Variants in PPFIA1 observed in about 807,000 individuals in gnomAD.
The protein encoded by PPFIA1 is liprin-alpha-1.
In PPFIA1, 25 loss-of-function variants were observed where a neutral mutation model predicts 149.9. The observed-to-expected ratio is 0.17, with a 90% CI of 0.12 to 0.23. PPFIA1 has a LOEUF of 0.23. Among genes scored for constraint, PPFIA1 ranks in the 10% least tolerant of loss-of-function variants. The probability of loss-of-function intolerance (pLI) is 1.00; values close to 1 mark genes in which losing one functional copy is unlikely to be tolerated. For synonymous variants in PPFIA1, 549 were observed against 552.8 expected, an observed-to-expected ratio of 0.99 and a Z score of 0.10; for missense variants, 1,362 against 1,506.5, an observed-to-expected ratio of 0.90 and a Z score of 1.59.
At chr11:70,341,695 G>A (rs1320382516) in intron 14 of PPFIA1, among the ~76,000 whole-genome samples, 3 of 152,178 alleles carry the variant, frequency 2.0e-5, no homozygotes, top group Non-Finnish European at 4.4e-5. Context: ...ATGGGTGCCT[G>A]GATGGAGACA....
chr11:70,347,550 T>C (rs2055784405), intron 15 of PPFIA1, among the ~76,000 whole-genome samples: 1 of 151,978 alleles, frequency 6.6e-6, no homozygotes, highest in African/African-American at 2.4e-5. Context: ...AAAAAAATTT[T>C]AAAAGATGAG....
At chr11:70,368,886 G>T (rs1283651131) in intron 21 of PPFIA1, among the ~76,000 whole-genome samples, 1 of 151,274 alleles carries the variant, frequency 6.6e-6, no homozygotes, top group Non-Finnish European at 1.5e-5. Flanking sequence ...CCAGTACAGT[G>T]TAGAATAAAG....
In PPFIA1 at chr11:70,343,807, C is replaced by G. The variant is rs775310445; in HGVS notation, c.1846C>G (p.Leu616Val). Residue 616 changes from leucine to valine, a missense_variant, in exon 15 of 28, where the codon CTG becomes GTG. Leu to Val is a conservative substitution (Grantham distance 32). Coordinates refer to ENST00000253925, the MANE Select transcript of PPFIA1 (RefSeq NM_003626.5). ...GGACACTCTCCTCAGCTCAGTTGAC[C>G]TGCTATCGCCCAGCGGGCAGGCCGA... ...DRDTLLSSVD[L>V]LSPSGQADAH... 6.2e-7 allele frequency: 1 copy of G among 1,614,178 alleles called. No individual in the cohort carries two copies. Among genetic ancestry groups the G allele is most frequent in the Non-Finnish European group, 8.5e-7 (1 of 1,180,036 alleles).
intron 2 of PPFIA1, among the ~76,000 whole-genome samples, chr11:70,282,583 C>T (rs141700617): frequency 0.031 from 3,831 of 124,108 alleles, 215 homozygotes; most frequent in African/African-American, 0.12. Context: ...GGCTGGAGTG[C>T]AGTGGCGTGA....
chr11:70,361,617 A>AT (rs750170044), intron 19 of PPFIA1, among the ~76,000 whole-genome samples: 303 of 140,218 alleles, frequency 2.2e-3, no homozygotes, highest in Non-Finnish European at 3.0e-3. Context: ...GCTGGTTGTA[A>AT]TTTTTTTTTT....
intron 2 of PPFIA1, 89 bp downstream of exon 2, chr11:70,272,525 T>C: frequency 2.2e-6 from 3 of 1,380,980 alleles, no homozygotes; most frequent in East Asian, 2.3e-5. Flanking sequence ...TTCAGATGAG[T>C]ATTTTCCGTA....
chr11:70,288,831 C>G (rs2051327225), intron 2 of PPFIA1, among the ~76,000 whole-genome samples: 1 of 152,124 alleles, frequency 6.6e-6, no homozygotes, highest in African/African-American at 2.4e-5. Flanking sequence ...TTGTCCCAGG[C>G]CTACTTTGTA....
chr11:70,348,211 A>C lies in PPFIA1; in HGVS notation c.1954A>C (p.Asn652His). ...EIRLIQEEKE[N>H]TEQRAEEIES... ...TAGGTTGATTCAGGAAGAAAAAGAA[A>C]ATACAGAGCAGCGGGCAGAGGAGAT... Residue 652 changes from asparagine (N) to histidine (H), a missense_variant, in exon 16 of 28, where the codon AAT becomes CAT. Around this residue, in one of 7 missense-constraint regions of PPFIA1, gnomAD observed 733 missense variants for 744.1 expected, o/e 0.99. Transcript: ENST00000253925. 1 of 1,614,184 alleles carries C rather than the reference A, an allele frequency of 6.2e-7. No homozygotes were observed. The highest frequency in any genetic ancestry group is 8.5e-7 in the Non-Finnish European group (1 of 1,180,034).
At chr11:70,335,031 T>C (rs1318280080) in intron 10 of PPFIA1, among the ~76,000 whole-genome samples, 3 of 152,254 alleles carry the variant, frequency 2.0e-5, no homozygotes, top group African/African-American at 7.2e-5. Flanking sequence ...AAGGTAATTA[T>C]TTATAATTTT....
chr11:70,339,350 C>G, intron 14 of PPFIA1, 44 bp downstream of exon 14: 1 of 1,577,486 alleles, frequency 6.3e-7, no homozygotes, highest in South Asian at 1.1e-5. Context: ...TGAAAGTTAC[C>G]TACTTATCCC....
Position 70,372,318 on chromosome 11 carries a change from A to G in PPFIA1, c.2969A>G (p.Asp990Gly). The G allele has an allele frequency of 1.9e-6, 3 of 1,614,206 alleles. No homozygotes were observed. The highest frequency in any genetic ancestry group is 2.5e-6 in the Non-Finnish European group (3 of 1,180,044). The change falls in exon 22 of 28, where the codon GAC becomes GGC. Residue 990 changes from aspartate (D) to glycine (G), a missense_variant. By Grantham distance (94) the Asp-to-Gly change is moderately conservative. Coordinates refer to ENST00000253925, the MANE Select transcript of PPFIA1 (RefSeq NM_003626.5). ...YRSYFMECLV[D>G]ARMLDHLTKK... The stretch of plus-strand genomic sequence containing the variant: ...AGCTACTTCATGGAGTGCCTTGTAG[A>G]CGCCAGGATGCTGGACCACTTGACC...
intron 19 of PPFIA1, chr11:70,358,578 G>C (rs759698267): frequency 6.6e-6 from 1 of 152,178 alleles, no homozygotes; most frequent in Non-Finnish European, 1.5e-5. Context: ...AAAAAGTATT[G>C]TGTGAATACA....
Position 70,272,421 on chromosome 11 carries a change from C to A in PPFIA1, c.249C>A (p.Asn83Lys), listed in dbSNP as rs959538943. The stretch of plus-strand genomic sequence containing the variant: ...GAGATTCCTTGCAGAGACAGCTCAA[C>A]ACGGCACTTCCACAGGTATGAGTGC... ...HERDSLQRQLNTALPQEFAAL... is the reference protein window; with the variant it reads ...HERDSLQRQLKTALPQEFAAL... The change falls in exon 2 of 28, where the codon AAC becomes AAA. Residue 83 changes from asparagine (N) to lysine (K), a missense_variant. By Grantham distance (94) the Asn-to-Lys change is moderately conservative (BLOSUM62 0). Coordinates refer to ENST00000253925, the MANE Select transcript of PPFIA1 (RefSeq NM_003626.5). The A allele has an allele frequency of 1.9e-6, 3 of 1,612,890 alleles. No individual in the cohort carries two copies.
chr11:70,280,466 G>A (rs909654124), intron 2 of PPFIA1, among the ~76,000 whole-genome samples: 11 of 152,098 alleles, frequency 7.2e-5, no homozygotes, highest in East Asian at 5.8e-4. Flanking sequence ...CTACTTGGGA[G>A]GCTGAGGCAG....
At chr11:70,299,253 A>T (rs549246689) in intron 2 of PPFIA1, among the ~76,000 whole-genome samples, 2 of 152,202 alleles carry the variant, frequency 1.3e-5, no homozygotes, top group African/African-American at 4.8e-5. Flanking sequence ...GAAAAGAAAG[A>T]AACAGGTTCT....
At chr11:70,339,402 A>G (rs2055175106) in intron 14 of PPFIA1, 96 bp downstream of exon 14, 2 of 1,403,752 alleles carry the variant, frequency 1.4e-6, no homozygotes, top group Admixed American at 4.8e-5. Context: ...TTGATAGGTC[A>G]TTGCTTTCTT....
chr11:70,337,466 G>A (rs1447281994), intron 12 of PPFIA1, 39 bp downstream of exon 12: 4 of 1,451,624 alleles, frequency 2.8e-6, no homozygotes, highest in East Asian at 2.4e-5. Context: ...GAGCCAAGTT[G>A]AACTGAGTTG....
intron 2 of PPFIA1, among the ~76,000 whole-genome samples, chr11:70,276,772 C>T (rs77474038): frequency 0.029 from 4,375 of 151,934 alleles, 242 homozygotes; most frequent in African/African-American, 0.1. Flanking sequence ...GAGATTTGTT[C>T]AGGCCACCCA....
chr11:70,317,257 T>A (rs1591184965), intron 2 of PPFIA1, among the ~76,000 whole-genome samples: 2 of 152,084 alleles, frequency 1.3e-5, no homozygotes, highest in South Asian at 4.2e-4. Context: ...TTCCTACTAT[T>A]TTTTTTTCTG....
Sources: gnomAD v4.1 joint callset for allele counts (sites outside exome capture counted in the v4.1 genomes callset) on GRCh38, gnomAD v4.1.1 for gene constraint, gnomAD v4.1.1 regional missense constraint, MANE v1.5 for transcripts, NCBI Gene and HGNC (gene_info 2026-07-23, HGNC 2026-07-21) for gene names.